The following FAM107A variants were observed in gnomAD, a reference collection of about 807,000 sequenced individuals.
FAM107A encodes actin-associated protein FAM107A.
A neutral mutation model predicts 13.7 loss-of-function variants in FAM107A; 19 were observed. The ratio of observed to expected loss-of-function variants is 1.38; its 90% CI spans 0.97 to 2.03. FAM107A has a LOEUF of 2.03. Ranked by LOEUF, FAM107A falls within the 30% of genes most tolerant of loss-of-function variation. FAM107A has a pLI of 0.00. For synonymous variants in FAM107A, 82 were observed against 74.5 expected (o/e 1.10, Z -0.52); for missense variants, 203 against 184.4 (o/e 1.10, Z -0.58).
chr3:58,568,827 CA>C (rs1354154726), intron 2 of FAM107A, among the ~76,000 whole-genome samples: 1 of 152,200 alleles, frequency 6.6e-6, no homozygotes, highest in African/African-American at 2.4e-5. Flanking sequence ...CCCAGTCCTC[CA>C]AGGGGAGGCT....
intron 1 of FAM107A, among the ~76,000 whole-genome samples, chr3:58,586,612 C>T (rs1185325698): frequency 1.3e-5 from 2 of 151,892 alleles, no homozygotes; most frequent in African/African-American, 2.4e-5. Context: ...TGGGGAGGAT[C>T]GCTTGAGCCC....
chr3:58,568,225 G>A (rs1577018558), intron 2 of FAM107A, among the ~76,000 whole-genome samples: 1 of 152,126 alleles, frequency 6.6e-6, no homozygotes, highest in Admixed American at 6.5e-5. Flanking sequence ...ACGAGGTCAG[G>A]AGACCGAGAC....
intron 1 of FAM107A, among the ~76,000 whole-genome samples, chr3:58,593,856 C>T (rs2065676056): frequency 6.6e-6 from 1 of 152,142 alleles, no homozygotes; most frequent in Admixed American, 6.5e-5. Flanking sequence ...GCCTGAGGAA[C>T]TTCTTTACTT....
At chr3:58,600,489 T>C (rs1186219767) in intron 1 of FAM107A, among the ~76,000 whole-genome samples, 1 of 152,130 alleles carries the variant, frequency 6.6e-6, no homozygotes, top group African/African-American at 2.4e-5. Flanking sequence ...ATGAGAATAG[T>C]GAGGCTCAAA....
intron 1 of FAM107A, among the ~76,000 whole-genome samples, chr3:58,574,939 T>G (rs1466359423): frequency 3.9e-5 from 6 of 151,922 alleles, no homozygotes; most frequent in African/African-American, 1.5e-4. Context: ...GGTGGCAGAT[T>G]TGAAACCAAA....
intron 1 of FAM107A, among the ~76,000 whole-genome samples, chr3:58,624,272 T>C (rs1365248672): frequency 6.6e-6 from 1 of 152,192 alleles, no homozygotes; most frequent in Non-Finnish European, 1.5e-5. Flanking sequence ...TGTGTTAAAA[T>C]ATCTTCTTGC....
intron 1 of FAM107A, among the ~76,000 whole-genome samples, chr3:58,593,938 T>G (rs2065676845): frequency 2.0e-5 from 3 of 152,136 alleles, no homozygotes; most frequent in African/African-American, 7.2e-5. Context: ...CGCATCTACT[T>G]ACGGCACCTT....
At chr3:58,612,927 C>T (rs951329805) in intron 1 of FAM107A, among the ~76,000 whole-genome samples, 12 of 138,752 alleles carry the variant, frequency 8.6e-5, no homozygotes, top group Admixed American at 2.0e-4. Context: ...CCATGTGGGT[C>T]TCTTCCTTTC....
chr3:58,605,292 T>G (rs1478936825), intron 1 of FAM107A, among the ~76,000 whole-genome samples: 1 of 152,230 alleles, frequency 6.6e-6, no homozygotes, highest in Admixed American at 6.5e-5. Flanking sequence ...AAGTCTCAGA[T>G]AGTCTGACCC....
Position 58,599,696 on chromosome 3 carries a change from A to ATTTTTTTTTTTTTTTTTTT in FAM107A, c.-69-10446_-69-10428dup, listed in dbSNP as rs57244654. ...GTGGTATACTTAAAACAAGTGCACCATTTTTTTTTTTTTTTTTTTTTTTTT... is the reference window on the plus strand; with the variant it reads ...GTGGTATACTTAAAACAAGTGCACCATTTTTTTTTTTTTTTTTTTTTTTTTTTTTTTTTTTTTTTTTTTT... On this transcript the variant is annotated intron_variant, in intron 1 of 3. Coordinates refer to the FAM107A transcript ENST00000465970. 2.8e-4 allele frequency among the ~76,000 whole-genome samples: 22 copies of ATTTTTTTTTTTTTTTTTTT among 78,592 alleles called. 5 individuals carry two copies. Among genetic ancestry groups the ATTTTTTTTTTTTTTTTTTT allele is most frequent in the South Asian group, 1.0e-3 (3 of 3,006 alleles). The allele number at this position is 78,592 out of a possible 152,430, so 51.6% of individuals were successfully genotyped here. A position where few individuals can be genotyped will look rare whatever the true frequency, so the allele number is the denominator to read the frequency against.
At chr3:58,590,518 AT>A (rs924517029), upstream of FAM107A, among the ~76,000 whole-genome samples, 1 of 152,242 alleles carries the variant, frequency 6.6e-6, no homozygotes, top group Admixed American at 6.5e-5. Context: ...AGACTGGGTA[AT>A]TTATAAACAA....
At chr3:58,575,773 G>A (rs1043442088) in intron 1 of FAM107A, among the ~76,000 whole-genome samples, 1 of 152,190 alleles carries the variant, frequency 6.6e-6, no homozygotes, top group African/African-American at 2.4e-5. Context: ...ACTCTCACTG[G>A]GGAGCCCCAG....
chr3:58,619,111 C>T (rs924803754), intron 1 of FAM107A, among the ~76,000 whole-genome samples: 2 of 152,134 alleles, frequency 1.3e-5, no homozygotes, highest in African/African-American at 4.8e-5. Context: ...AGGAATCCTC[C>T]TGCTTCAGCC....
intron 1 of FAM107A, among the ~76,000 whole-genome samples, chr3:58,596,327 C>T (rs1304917095): frequency 6.6e-6 from 1 of 152,166 alleles, no homozygotes; most frequent in African/African-American, 2.4e-5. Flanking sequence ...CATAGTCTTC[C>T]CCATGCACCG....
At chr3:58,624,429 C>G (rs1021367799) in intron 1 of FAM107A, among the ~76,000 whole-genome samples, 2 of 152,152 alleles carry the variant, frequency 1.3e-5, no homozygotes, top group African/African-American at 4.8e-5. Context: ...GCCCAGTGGT[C>G]TATCTGTCAC....
chr3:58,576,706 G>A (rs1220282726), intron 1 of FAM107A, among the ~76,000 whole-genome samples: 1 of 152,256 alleles, frequency 6.6e-6, no homozygotes, highest in African/African-American at 2.4e-5. Context: ...CACCAGAAAG[G>A]CAGGCCCTTC....
At chr3:58,592,842 G>A (rs1357663787) in intron 1 of FAM107A, among the ~76,000 whole-genome samples, 2 of 152,092 alleles carry the variant, frequency 1.3e-5, no homozygotes, top group African/African-American at 4.8e-5. Flanking sequence ...TTATATGGAC[G>A]CACTTTCTTG....
chr3:58,611,369 G>A (rs1457323995), intron 1 of FAM107A, among the ~76,000 whole-genome samples: 1 of 152,188 alleles, frequency 6.6e-6, no homozygotes, highest in Non-Finnish European at 1.5e-5. Flanking sequence ...TCCCAGAGAG[G>A]GTGTCATTAT....
In FAM107A at chr3:58,569,097, G is replaced by A. The variant is rs567867339; in HGVS notation, c.170+594C>T. Among the ~76,000 whole-genome samples, 4 of 152,242 alleles carry A rather than the reference G, an allele frequency of 2.6e-5. 1 individual carries two copies. In the South Asian group the frequency reaches 8.3e-4, roughly 32 times the overall value. On this transcript the variant is annotated intron_variant, in intron 2 of 3. Transcript: ENST00000360997. The surrounding 1 kb of genome is among the most constrained non-coding windows in gnomAD (Gnocchi z 5.7). ...TTAGTCCATCCTTCTGCCCTGGCCT[G>A]CACCACGCAATCGATGCCCCAGGCA...
Sources: gnomAD v4.1 joint callset for allele counts (sites outside exome capture counted in the v4.1 genomes callset) on GRCh38, gnomAD v4.1.1 for gene constraint, Gnocchi (gnomAD v3.1) non-coding constraint, MANE v1.5 for transcripts, NCBI Gene and HGNC (gene_info 2026-07-23, HGNC 2026-07-21) for gene names.